Variants in FCER2 observed in about 807,000 individuals in gnomAD.
FCER2 encodes the protein low affinity immunoglobulin epsilon Fc receptor.
Under a neutral mutation model 49.7 loss-of-function variants are expected in FCER2, and 38 were observed. That is an observed-to-expected ratio of 0.76 (90% CI 0.59 to 1.00). The LOEUF is 1.00. Among genes scored for constraint, FCER2 ranks in the 50% least tolerant of loss-of-function variants. The pLI is 0.00. For synonymous variants in FCER2, 163 were observed against 164.6 expected (o/e 0.99, Z 0.07); for missense variants, 425 against 419.5 (o/e 1.01, Z -0.11).
At chr19:7,693,805 T>C (rs990268937) in intron 8 of FCER2, among the ~76,000 whole-genome samples, 4 of 150,422 alleles carry the variant, frequency 2.7e-5, no homozygotes. Context: ...TGCACCACCA[T>C]GCCCAGCTAA....
intron 1 of FCER2, among the ~76,000 whole-genome samples, chr19:7,701,561 C>G (rs182266723): frequency 6.6e-6 from 1 of 152,126 alleles, no homozygotes; most frequent in Non-Finnish European, 1.5e-5. Context: ...GTCCCCATCA[C>G]GCAGTGGTGG....
chr19:7,699,061 G>A (rs1176187097), intron 2 of FCER2, among the ~76,000 whole-genome samples: 1 of 151,910 alleles, frequency 6.6e-6, no homozygotes, highest in Non-Finnish European at 1.5e-5. Context: ...AGACAGATCT[G>A]GGACTAAGAG....
At chr19:7,697,679 CAT>C in intron 4 of FCER2, 90 bp from the exon 5 acceptor site, 5 of 1,004,000 alleles carry the variant, frequency 5.0e-6, no homozygotes, top group South Asian at 1.3e-5. Context: ...GACCCTCTCA[CAT>C]AGTCACAACA....
At chr19:7,698,713 G>T (rs559731890) in intron 3 of FCER2, 28 bp downstream of exon 3, 2 of 1,607,044 alleles carry the variant, frequency 1.2e-6, no homozygotes. Flanking sequence ...GAGTTGGGGG[G>T]ACCACATGGA....
intron 3 of FCER2, 160 bp downstream of exon 3, chr19:7,698,581 A>G: frequency 1.0e-6 from 1 of 956,192 alleles, no homozygotes; most frequent in Middle Eastern, 3.2e-4. Flanking sequence ...AGGGTGGGGG[A>G]TGGGAAAGGG....
chr19:7,699,886 T>C (rs2287868), intron 1 of FCER2, 41 bp from the exon 2 acceptor site: 500,038 of 911,686 alleles, frequency 0.55, 138,092 homozygotes, highest in East Asian at 0.67. Flanking sequence ...AGCCATCAAA[T>C]CCTAGTTACC....
intron 8 of FCER2, among the ~76,000 whole-genome samples, chr19:7,693,756 C>T (rs956373547): frequency 6.6e-6 from 1 of 152,010 alleles, no homozygotes; most frequent in African/African-American, 2.4e-5. Flanking sequence ...TCAAGCAATT[C>T]TCCTGCCTTA....
Position 7,689,005 on chromosome 19 carries a change from C to G in FCER2, c.*188G>C, listed in dbSNP as rs1341220623. 1.7e-6 allele frequency: 1 copy of G among 594,690 alleles called. No homozygotes were observed. Among genetic ancestry groups the G allele is most frequent in the Non-Finnish European group, 3.0e-6 (1 of 332,796 alleles). 36.8% of individuals were successfully genotyped at this position (594,690 alleles called of 1,614,324 possible). On this transcript the variant is annotated 3_prime_UTR_variant, in exon 11 of 11. Transcript: ENST00000597921. The stretch of plus-strand genomic sequence containing the variant: ...TGGAGAGGGTGCTGTTGGGGGCACT[C>G]CCATCTGGAGAGGGTGCTGTTGGGG...
chr19:7,699,271 A>G (rs12984870), intron 2 of FCER2: 292,697 of 619,752 alleles, frequency 0.47, 70,469 homozygotes, highest in African/African-American at 0.6. Context: ...CTCCCCAGCC[A>G]CTTTCCCAGG....
chr19:7,696,161 G>A lies in FCER2; in HGVS notation c.469+664C>T, dbSNP rs568017313. On this transcript the variant is annotated intron_variant, in intron 8 of 10. Coordinates refer to ENST00000597921, the MANE Select transcript of FCER2 (RefSeq NM_001220500.2). ...TGTCGCCAGGCTGGAGTGCAGTGGC[G>A]TGATCTTGGCTCACTGCAACCTCCA... Among the ~76,000 whole-genome samples the A allele has an allele frequency of 2.1e-3, 313 of 151,660 alleles. 2 individuals carry two copies. The highest frequency in any genetic ancestry group is 6.3e-3 in the African/African-American group (262 of 41,346).
At position 7,690,464 on chromosome 19, in the gene FCER2, C is replaced by G. The variant is rs200648991; in HGVS notation, c.563G>C (p.Arg188Pro). ...CCCTTCCATGTCGTCACAGGCATACCGGGCGTGGACCCACTGCTTGGTGCC... is the reference window on the plus strand; with the variant it reads ...CCCTTCCATGTCGTCACAGGCATACGGGGCGTGGACCCACTGCTTGGTGCC... ...GKGTKQWVHA[R>P]YACDDMEGQL... Residue 188 changes from arginine to proline, a missense_variant, in exon 9 of 11, where the codon CGG becomes CCG. Coordinates refer to ENST00000597921, the MANE Select transcript of FCER2 (RefSeq NM_001220500.2). 1 of 1,614,102 alleles carries G rather than the reference C, an allele frequency of 6.2e-7. No homozygotes were observed. Among genetic ancestry groups the G allele is most frequent in the Non-Finnish European group, 8.5e-7 (1 of 1,179,966 alleles).
chr19:7,688,906 T>A lies in FCER2; in HGVS notation c.*287A>T. 2.3e-6 allele frequency: 1 copy of A among 434,922 alleles called. No individual in the cohort carries two copies. The highest frequency in any genetic ancestry group is 4.2e-6 in the Non-Finnish European group (1 of 239,772). 26.9% of individuals were successfully genotyped at this position (434,922 alleles called of 1,614,324 possible). Reference sequence around the variant, plus strand: ...ATCTGGAGAGGGTGCTGTTGGGGTGTACTCTCATCTGGAGAGGGTGCTGTT... The same window carrying A: ...ATCTGGAGAGGGTGCTGTTGGGGTGAACTCTCATCTGGAGAGGGTGCTGTT... On this transcript the variant is annotated 3_prime_UTR_variant, in exon 11 of 11. Transcript: ENST00000597921.
At chr19:7,694,047 CTCCCAAAA>C (rs1250021740) in intron 8 of FCER2, among the ~76,000 whole-genome samples, 1 of 152,072 alleles carries the variant, frequency 6.6e-6, no homozygotes, top group African/African-American at 2.4e-5. Context: ...CTGCCTCGGC[CTCCCAAAA>C]TGCTGGGATT....
intron 2 of FCER2, 127 bp downstream of exon 2, chr19:7,699,612 G>C: frequency 8.1e-7 from 1 of 1,227,618 alleles, no homozygotes. Flanking sequence ...ACTCACACCA[G>C]TCCCTTTCTT....
intron 8 of FCER2, among the ~76,000 whole-genome samples, chr19:7,693,383 C>A (rs2032932058): frequency 6.6e-6 from 1 of 151,246 alleles, no homozygotes; most frequent in African/African-American, 2.4e-5. Flanking sequence ...CGCAGTGAAA[C>A]TCCCAGACAT....
Position 7,698,370 on chromosome 19 carries a change from C to T in FCER2, c.176G>A (p.Arg59Lys). The change falls in exon 4 of 11, where the codon AGG (arginine) becomes AAG (lysine). Residue 59 changes from arginine (R) to lysine (K), a missense_variant. Coordinates refer to ENST00000597921, the MANE Select transcript of FCER2 (RefSeq NM_001220500.2). ...TTQSLKQLEE[R>K]AARNVSQVSK... Reference sequence around the variant, plus strand: ...CCCCTTCATACCGTTCCGGGCAGCCCTCTCTTCCAGCTGTTTTAGACTCTG... The same window carrying T: ...CCCCTTCATACCGTTCCGGGCAGCCTTCTCTTCCAGCTGTTTTAGACTCTG... 1 of 1,612,536 alleles carries T rather than the reference C, an allele frequency of 6.2e-7. No homozygotes were observed. Among genetic ancestry groups the T allele is most frequent in the Non-Finnish European group, 8.5e-7 (1 of 1,179,002 alleles).
chr19:7,690,034 C>G (rs1386481554), intron 10 of FCER2, 125 bp downstream of exon 10: 12 of 684,028 alleles, frequency 1.8e-5, no homozygotes, highest in Non-Finnish European at 3.1e-5. Context: ...GCGTCCTTCT[C>G]CCCTGCACCC....
At chr19:7,690,114 G>C in intron 10 of FCER2, 45 bp downstream of exon 10, 4 of 1,225,090 alleles carry the variant, frequency 3.3e-6, no homozygotes, top group Non-Finnish European at 4.8e-6. Flanking sequence ...CTCCCTCCAC[G>C]GTATTTCCAT....
chr19:7,700,127 C>G, intron 1 of FCER2: 1 of 253,456 alleles, frequency 3.9e-6, no homozygotes, highest in Non-Finnish European at 7.6e-6. Flanking sequence ...AACTTCTTTC[C>G]TCATTCGTAA....
Sources: allele counts gnomAD v4.1 joint callset (sites outside exome capture counted in the v4.1 genomes callset), GRCh38; gene constraint gnomAD v4.1.1; transcripts MANE v1.5; gene names NCBI Gene and HGNC (gene_info 2026-07-23, HGNC 2026-07-21).